COL4A4: variants seen among roughly 807,000 people sequenced by gnomAD.
COL4A4 encodes the protein collagen type IV alpha 4 chain.
A neutral mutation model predicts 192.9 loss-of-function variants in COL4A4; 105 were observed. The observed-to-expected ratio is 0.54, with a 90% CI of 0.46 to 0.64. The LOEUF (loss-of-function observed/expected upper bound fraction) is 0.64. Ranked by LOEUF, COL4A4 falls within the 30% of genes least tolerant of loss-of-function variation. The pLI, the probability that COL4A4 is intolerant of heterozygous loss-of-function variation, is 0.00. For missense variants in COL4A4, 1,967 were observed against 2,169.3 expected, an observed-to-expected ratio of 0.91 and a Z score of 1.85; for synonymous variants, 762 against 769.9, an observed-to-expected ratio of 0.99 and a Z score of 0.17.
At position 227,007,436 on chromosome 2, in the gene COL4A4, C is replaced by G. The variant is rs375911030; in HGVS notation, c.4962G>C (p.Thr1654=). The G allele has an allele frequency of 6.2e-7, 1 of 1,614,076 alleles. No homozygotes were observed. The highest frequency in any genetic ancestry group is 8.5e-7 in the Non-Finnish European group (1 of 1,180,052). ...FANKYSFWLT[T]VKADLQFSSA... ...AGGAAAACTGCAAGTCTGCTTTCAC[C>G]GTTGTGAGCCAGAAGCTATACTTAT... Residue 1654 remains threonine (T), a synonymous_variant, in exon 48 of 48, where the codon ACG becomes ACC. Transcript: ENST00000396625.
chr2:227,064,606 GA>G (rs1440905468), intron 25 of COL4A4, among the ~76,000 whole-genome samples: 1 of 152,128 alleles, frequency 6.6e-6, no homozygotes, highest in African/African-American at 2.4e-5. Context: ...AATTCAAAAT[GA>G]AGGCAAGAAT....
At position 227,004,510 on chromosome 2, in the gene COL4A4, C is replaced by CA. The variant is rs1390674720; in HGVS notation, c.*2814dup. 6.6e-6 allele frequency: 1 copy of CA among 152,186 alleles called. No individual in the cohort carries two copies. The highest frequency in any genetic ancestry group is 1.5e-5 in the Non-Finnish European group (1 of 68,052). 9.4% of individuals were successfully genotyped at this position (152,186 alleles called of 1,614,324 possible). A position where few individuals can be genotyped will look rare whatever the true frequency, so the allele number is the denominator to read the frequency against. ...AGAAGGATTCTAATCCAGAGGGTGA[C>CA]AAAATCAAGTTTGGGTGGATCTTAG... is the stretch of plus-strand genomic sequence containing the variant. On this transcript the variant is annotated 3_prime_UTR_variant, in exon 48 of 48. Transcript: ENST00000396625.
chr2:227,135,967 A>G (rs953458659), intron 4 of COL4A4, among the ~76,000 whole-genome samples: 4 of 152,038 alleles, frequency 2.6e-5, no homozygotes, highest in Admixed American at 2.6e-4. Flanking sequence ...TTCTTAATTT[A>G]TGTGTATTAA....
chr2:227,038,776 G>T (rs1486584145), intron 37 of COL4A4, among the ~76,000 whole-genome samples: 1 of 152,210 alleles, frequency 6.6e-6, no homozygotes, highest in Non-Finnish European at 1.5e-5. Context: ...CCTTGACTTA[G>T]TTAGAACATA....
intron 4 of COL4A4, among the ~76,000 whole-genome samples, chr2:227,122,957 C>T (rs1202920672): frequency 1.3e-5 from 2 of 152,052 alleles, no homozygotes; most frequent in African/African-American, 2.4e-5. Flanking sequence ...CTCCACCTCC[C>T]GAGTTCAAGT....
chr2:227,060,993 T>A (rs3731590), intron 26 of COL4A4, among the ~76,000 whole-genome samples: 5 of 151,894 alleles, frequency 3.3e-5, no homozygotes, highest in Non-Finnish European at 7.4e-5. Context: ...CCCAAAGTGC[T>A]GAGATTACAG....
chr2:227,060,073 A>G, intron 27 of COL4A4, 63 bp downstream of exon 27: 1 of 1,033,498 alleles, frequency 9.7e-7, no homozygotes, highest in Non-Finnish European at 1.4e-6. Flanking sequence ...GAAATGTTAA[A>G]AAGTTCCTGA....
Position 227,057,430 on chromosome 2 carries a change from G to C in COL4A4, c.2545+9C>G, listed in dbSNP as rs2150249516. On this transcript the variant is annotated intron_variant, in intron 29 of 47. Coordinates refer to ENST00000396625, the MANE Select transcript of COL4A4 (RefSeq NM_000092.5). Reference sequence around the variant, plus strand: ...AAGCCCCAGACCCTTCACAGTTCTTGACACTTACCTGGGCTACCTGGATAC... The same window carrying C: ...AAGCCCCAGACCCTTCACAGTTCTTCACACTTACCTGGGCTACCTGGATAC... 6.3e-7 allele frequency: 1 copy of C among 1,597,944 alleles called. No homozygotes were observed. The highest frequency in any genetic ancestry group is 8.5e-7 in the Non-Finnish European group (1 of 1,171,552).
intron 4 of COL4A4, among the ~76,000 whole-genome samples, chr2:227,131,548 G>A (rs1332773023): frequency 6.6e-6 from 1 of 152,118 alleles, no homozygotes; most frequent in Non-Finnish European, 1.5e-5. Context: ...CCTCAAACAT[G>A]CTAGCCTGTC....
At chr2:227,080,213 C>T (rs756236405) in intron 24 of COL4A4, among the ~76,000 whole-genome samples, 11 of 152,060 alleles carry the variant, frequency 7.2e-5, no homozygotes, top group African/African-American at 9.7e-5. Flanking sequence ...GACCAAGGAC[C>T]GAAAGTCCTG....
intron 25 of COL4A4, among the ~76,000 whole-genome samples, chr2:227,064,974 A>T (rs2058208407): frequency 1.3e-5 from 2 of 152,008 alleles, no homozygotes; most frequent in East Asian, 3.9e-4. Flanking sequence ...CATCTGAGGT[A>T]CCGGGTTCAT....
rs144206444 is a variant in COL4A4, at chr2:227,150,277, A to G, written c.-101-2693T>C. ...AACTGACACTTTGATCACATGTAGG[A>G]TATCAAGTCACTTAATTCTTACCAT... On this transcript the variant is annotated intron_variant, in intron 1 of 47. Transcript: ENST00000396625. Among the ~76,000 whole-genome samples, 25 of 152,302 alleles carry G rather than the reference A, an allele frequency of 1.6e-4. No individual in the cohort carries two copies. The East Asian group carries it at 4.3e-3, about 26-fold the overall frequency.
rs199591043 is a variant in COL4A4, at chr2:227,041,848, G to A, written c.3505+300C>T. Among the ~76,000 whole-genome samples, 346 of 38,492 alleles carry A rather than the reference G, an allele frequency of 9.0e-3. 12 individuals carry two copies. Among genetic ancestry groups the A allele is most frequent in the Middle Eastern group, 0.014 (1 of 72 alleles). The allele number at this position is 38,492 out of a possible 152,430, so 25.3% of individuals were successfully genotyped here. The stretch of plus-strand genomic sequence containing the variant: ...AGAAAGAAAGAAAGAAAGAAAGAAA[G>A]AGAAAGAAAGAAAGAAAGAAAGAAA... On this transcript the variant is annotated intron_variant, in intron 37 of 47. Transcript: ENST00000396625.
At chr2:227,075,314 G>A (rs550729843) in intron 25 of COL4A4, among the ~76,000 whole-genome samples, 1 of 152,182 alleles carries the variant, frequency 6.6e-6, no homozygotes, top group South Asian at 2.1e-4. Flanking sequence ...GATCAAGTCT[G>A]GGATGCAAGG....
chr2:227,138,215 G>A (rs990953482), intron 4 of COL4A4, among the ~76,000 whole-genome samples: 1 of 152,110 alleles, frequency 6.6e-6, no homozygotes, highest in Non-Finnish European at 1.5e-5. Context: ...CCACTTGGGA[G>A]GTGGAGGTGG....
the COL4A4 span, among the ~76,000 whole-genome samples, chr2:226,982,681 G>A: frequency 6.6e-6 from 1 of 152,164 alleles, no homozygotes; most frequent in Non-Finnish European, 1.5e-5. Context: ...CTCACTATTT[G>A]TGTCTCGGGA....
At chr2:227,065,237 AC>A (rs1238166268) in intron 25 of COL4A4, among the ~76,000 whole-genome samples, 6 of 152,058 alleles carry the variant, frequency 3.9e-5, no homozygotes, top group Admixed American at 6.5e-5. Flanking sequence ...GGAGGGTCCT[AC>A]GCCAGGCTGA....
chr2:227,065,349 C>T (rs1273091031), intron 25 of COL4A4, among the ~76,000 whole-genome samples: 2 of 152,190 alleles, frequency 1.3e-5, no homozygotes, highest in Non-Finnish European at 1.5e-5. Context: ...CAAAGCAGCC[C>T]AGAAGCTCAA....
chr2:227,158,647 T>C (rs2064550182), intron 1 of COL4A4, among the ~76,000 whole-genome samples: 1 of 151,960 alleles, frequency 6.6e-6, no homozygotes, highest in African/African-American at 2.4e-5. Context: ...AAAAGCCAAA[T>C]TTTAAGCGGA....
Sources: allele counts gnomAD v4.1 joint callset (sites outside exome capture counted in the v4.1 genomes callset), GRCh38; gene constraint gnomAD v4.1.1; transcripts MANE v1.5; gene names NCBI Gene and HGNC (gene_info 2026-07-23, HGNC 2026-07-21).